MACF1: variants seen among roughly 807,000 people sequenced by gnomAD.
The protein encoded by MACF1 is microtubule-actin cross-linking factor 1.
A neutral mutation model predicts 854.8 loss-of-function variants in MACF1; 193 were observed. The ratio of observed to expected loss-of-function variants is 0.23; its 90% CI spans 0.20 to 0.25. The LOEUF (loss-of-function observed/expected upper bound fraction) is 0.25, where lower values mean the gene tolerates loss of function less well. Ranked by LOEUF, MACF1 falls within the 10% of genes least tolerant of loss-of-function variation. The pLI, the probability that MACF1 is intolerant of heterozygous loss-of-function variation, is 1.00. For synonymous variants in MACF1, 3,185 were observed against 3,226.7 expected, an observed-to-expected ratio of 0.99 and a Z score of 0.44; for missense variants, 7,722 against 8,929.1, an observed-to-expected ratio of 0.86 and a Z score of 5.45.
At chr1:39,468,291 A>T in intron 95 of MACF1, 1 of 200,570 alleles carries the variant, frequency 5.0e-6, no homozygotes. Flanking sequence ...CGGGAGGCTG[A>T]GGCAGGAGAA....
chr1:39,168,487 T>C (rs1319286804), intron 2 of MACF1, among the ~76,000 whole-genome samples: 4 of 152,140 alleles, frequency 2.6e-5, no homozygotes, highest in African/African-American at 4.8e-5. Flanking sequence ...TTCAAATATA[T>C]GTTTTTTGTG....
chr1:39,158,193 A>G (rs1358440633), intron 2 of MACF1, among the ~76,000 whole-genome samples: 1 of 152,232 alleles, frequency 6.6e-6, no homozygotes, highest in Non-Finnish European at 1.5e-5. Context: ...GAAACAAATC[A>G]GAGTGAAATA....
intron 36 of MACF1, among the ~76,000 whole-genome samples, chr1:39,330,432 A>T (rs1646698838): frequency 6.6e-6 from 1 of 152,238 alleles, no homozygotes; most frequent in African/African-American, 2.4e-5. Flanking sequence ...GCTCATCAGC[A>T]GGGAATTGCT....
At chr1:39,476,403 T>C (rs1031925655) in intron 97 of MACF1, among the ~76,000 whole-genome samples, 6 of 152,042 alleles carry the variant, frequency 3.9e-5, no homozygotes, top group Admixed American at 3.9e-4. Context: ...ACCCCATCTC[T>C]ACTAAAAATA....
chr1:39,311,159 G>A (rs1213872958), intron 26 of MACF1, among the ~76,000 whole-genome samples, 159 bp downstream of exon 26: 1 of 152,238 alleles, frequency 6.6e-6, no homozygotes, highest in Non-Finnish European at 1.5e-5. Flanking sequence ...TACCCGTGGA[G>A]AAGTGTGATT....
chr1:39,477,082 TATATATATACACAC>T (rs1335501055), intron 97 of MACF1, among the ~76,000 whole-genome samples: 3 of 12,594 alleles, frequency 2.4e-4, no homozygotes, highest in African/African-American at 9.1e-4. Context: ...TATATATATA[TATATATATACACAC>T]ACACACATAT....
chr1:39,138,192 C>CT (rs1213070446), intron 2 of MACF1, among the ~76,000 whole-genome samples: 3 of 150,764 alleles, frequency 2.0e-5, no homozygotes, highest in Non-Finnish European at 4.4e-5. Context: ...TGTTGAAATA[C>CT]TTTCTTGTAC....
intron 15 of MACF1, among the ~76,000 whole-genome samples, chr1:39,290,656 T>C (rs1164434659): frequency 7.0e-6 from 1 of 143,468 alleles, no homozygotes; most frequent in Non-Finnish European, 1.5e-5. Context: ...TTTTTCATTG[T>C]TGATGTAACT....
chr1:39,460,032 A>G lies in MACF1; in HGVS notation c.21361-600A>G, dbSNP rs372615334. Among the ~76,000 whole-genome samples the G allele has an allele frequency of 6.6e-6, 1 of 152,328 alleles. No individual in the cohort carries two copies. The highest frequency in any genetic ancestry group is 1.5e-5 in the Non-Finnish European group (1 of 68,016). ...AGCTGAAAATTGTCTTGCCCACTGC[A>G]TAGGCCTGCTGTTTTCCATCAAGGC... On this transcript the variant is annotated intron_variant, in intron 91 of 100. Transcript: ENST00000564288. This position sits in a 1 kb window ranked among gnomAD's most constrained non-coding sequence, Gnocchi z 4.1.
chr1:39,357,798 A>G lies in MACF1; in HGVS notation c.11848A>G (p.Ser3950Gly). ...ACAGAAAGTCTTGGACATGGAAAAC[A>G]GTTTTAAGGAAGGCAAAGAACCATC... ...SGQKVLDMEN[S>G]FKEGKEPSEI... The change falls in exon 45 of 101, where the codon AGT (serine) becomes GGT (glycine). Residue 3950 changes from serine to glycine, a missense_variant. Ser to Gly is a moderately conservative substitution (Grantham distance 56). Transcript: ENST00000564288. 1.2e-6 allele frequency: 2 copies of G among 1,614,204 alleles called. No individual in the cohort carries two copies. The highest frequency in any genetic ancestry group is 1.7e-5 in the Admixed American group (1 of 60,030).
chr1:39,348,412 T>G, intron 41 of MACF1, among the ~76,000 whole-genome samples: 1 of 152,218 alleles, frequency 6.6e-6, no homozygotes, highest in East Asian at 1.9e-4. Context: ...AATTCCACAA[T>G]GCTTATTAAC....
At position 39,294,127 on chromosome 1, in the gene MACF1, A is replaced by T. The variant is rs955990256; in HGVS notation, c.2154+508A>T. Among the ~76,000 whole-genome samples the T allele has an allele frequency of 2.0e-5, 3 of 152,204 alleles. No individual in the cohort carries two copies. The East Asian group carries it at 5.8e-4, about 29-fold the overall frequency. ...CAAAGCATTTAGTCTAGTATTGTTC[A>T]ACTGGGATATACTCTGGACTTTCCA... On this transcript the variant is annotated intron_variant, in intron 18 of 100. Coordinates refer to ENST00000564288, the MANE Select transcript of MACF1 (RefSeq NM_001394062.1).
At chr1:39,414,644 T>A in intron 58 of MACF1, 1 of 1,065,484 alleles carries the variant, frequency 9.4e-7, no homozygotes, top group Non-Finnish European at 1.3e-6. Context: ...AAATATACTT[T>A]AATTTTGTCT....
chr1:39,459,008 T>C (rs944479376), intron 90 of MACF1, 78 bp from the exon 91 acceptor site: 2 of 1,245,298 alleles, frequency 1.6e-6, no homozygotes, highest in Non-Finnish European at 2.3e-6. Flanking sequence ...TATAAAGATC[T>C]TCTAGGTTTA....
chr1:39,443,929 A>G (rs1048771064), intron 79 of MACF1, among the ~76,000 whole-genome samples: 1 of 152,256 alleles, frequency 6.6e-6, no homozygotes, highest in African/African-American at 2.4e-5. Context: ...GTTACCCGAC[A>G]GTATTTCAAG....
chr1:39,484,828 G>T, intron 100 of MACF1, 98 bp downstream of exon 100: 1 of 1,391,452 alleles, frequency 7.2e-7, no homozygotes. Flanking sequence ...GGTAATGAGA[G>T]TGGCACTTAG....
chr1:39,240,107 C>T (rs1644905447), intron 2 of MACF1, among the ~76,000 whole-genome samples: 1 of 152,108 alleles, frequency 6.6e-6, no homozygotes, highest in African/African-American at 2.4e-5. Flanking sequence ...TGGGGTAGCA[C>T]TGATTCCAGG....
chr1:39,477,313 T>C (rs566377684), intron 97 of MACF1, among the ~76,000 whole-genome samples: 82 of 151,644 alleles, frequency 5.4e-4, no homozygotes, highest in Non-Finnish European at 1.0e-3. Flanking sequence ...CAGCCTTGAC[T>C]TCCCAGGCTC....
intron 2 of MACF1, among the ~76,000 whole-genome samples, chr1:39,186,987 T>A (rs1557505768): frequency 2.5e-5 from 2 of 80,940 alleles, no homozygotes; most frequent in South Asian, 5.8e-4. Flanking sequence ...TGATTCTTGA[T>A]TTTTTTTTTT....
Sources: gnomAD v4.1 joint callset for allele counts (sites outside exome capture counted in the v4.1 genomes callset) on GRCh38, gnomAD v4.1.1 for gene constraint, Gnocchi (gnomAD v3.1) non-coding constraint, MANE v1.5 for transcripts, NCBI Gene and HGNC (gene_info 2026-07-23, HGNC 2026-07-21) for gene names.